TMPRSS2: variants seen among roughly 807,000 people sequenced by gnomAD.
The protein encoded by TMPRSS2 is transmembrane protease serine 2.
Under a neutral mutation model 67.4 loss-of-function variants are expected in TMPRSS2, and 59 were observed. That is an observed-to-expected ratio of 0.88 (90% confidence interval 0.71 to 1.09). The LOEUF is 1.09. Ranked by LOEUF, TMPRSS2 falls within the 50% of genes least tolerant of loss-of-function variation. The pLI is 0.00. For missense variants in TMPRSS2, 668 were observed against 642.7 expected (o/e 1.04, Z -0.43); for synonymous variants, 257 against 257.0 (o/e 1.00, Z 0.00).
intron 1 of TMPRSS2, among the ~76,000 whole-genome samples, chr21:41,501,950 A>G (rs796207687): frequency 8.5e-5 from 13 of 152,350 alleles, no homozygotes; most frequent in African/African-American, 3.1e-4. Flanking sequence ...GCACTTGGGG[A>G]AATTTTCCTT....
chr21:41,473,234 G>A (rs1417578497), intron 9 of TMPRSS2, 91 bp downstream of exon 9: 28 of 1,380,370 alleles, frequency 2.0e-5, no homozygotes, highest in South Asian at 9.9e-5. Context: ...CAAGGATGCC[G>A]GGGCTGCAAG....
intron 7 of TMPRSS2, among the ~76,000 whole-genome samples, chr21:41,477,039 A>G (rs1488886325): frequency 6.6e-6 from 1 of 152,210 alleles, no homozygotes; most frequent in Non-Finnish European, 1.5e-5. Context: ...AATATAACCA[A>G]TAGTTTCCCT....
In TMPRSS2 at chr21:41,480,468, A is replaced by G. The variant is rs370175310; in HGVS notation, c.572+8T>C. 6.6e-5 allele frequency: 107 copies of G among 1,613,044 alleles called. No individual in the cohort carries two copies. In the Middle Eastern group the frequency reaches 4.4e-3, roughly 67 times the overall value. On this transcript the variant is annotated splice_region_variant and intron_variant, in intron 6 of 13. Transcript: ENST00000332149. ...ACTGTCACTCGGCGGGTGCTGCCCCATACTCACTTATAGCCCATGTCCCTG... is the reference window on the plus strand; with the variant it reads ...ACTGTCACTCGGCGGGTGCTGCCCCGTACTCACTTATAGCCCATGTCCCTG...
In TMPRSS2 at chr21:41,465,788, C is replaced by T; in HGVS notation, c.*354G>A. On this transcript the variant is annotated 3_prime_UTR_variant, in exon 14 of 14. Coordinates refer to ENST00000332149, the MANE Select transcript of TMPRSS2 (RefSeq NM_005656.4). ...TCTCTCCTTTTTCATCTCAAGTCAT[C>T]CAGCAGCTGAGAGGTGACAGCTCCA... is the stretch of plus-strand genomic sequence containing the variant. 1 of 318,558 alleles carries T rather than the reference C, an allele frequency of 3.1e-6. No individual in the cohort carries two copies. The highest frequency in any genetic ancestry group is 5.7e-6 in the Non-Finnish European group (1 of 174,326). 19.7% of individuals were successfully genotyped at this position (318,558 alleles called of 1,614,324 possible).
chr21:41,469,927 C>T (rs2091116789), intron 11 of TMPRSS2, among the ~76,000 whole-genome samples: 1 of 152,176 alleles, frequency 6.6e-6, no homozygotes, highest in Non-Finnish European at 1.5e-5. Context: ...CAGCCTGTGG[C>T]TCTACTGTAG....
Position 41,470,739 on chromosome 21 carries a change from T to C in TMPRSS2, c.1080A>G (p.Leu360=). 1 of 1,613,056 alleles carries C rather than the reference T, an allele frequency of 6.2e-7. No homozygotes were observed. The highest frequency in any genetic ancestry group is 2.2e-5 in the East Asian group (1 of 44,882). The change falls in exon 11 of 14, where the codon CTA becomes CTG. Residue 360 remains leucine (L), a synonymous_variant. Coordinates refer to ENST00000332149, the MANE Select transcript of TMPRSS2 (RefSeq NM_005656.4). ...KLQKPLTFND[L]VKPVCLPNPG... The stretch of plus-strand genomic sequence containing the variant: ...GGTTGGGCAGACACACTGGTTTCAC[T>C]AGGTCTGTTTCAAGAAGAGAAAACA...
chr21:41,468,456 G>A lies in TMPRSS2; in HGVS notation c.1254C>T (p.Asn418=). The change falls in exon 12 of 14, where the codon AAC becomes AAT. Residue 418 remains asparagine (N), a synonymous_variant. Coordinates refer to ENST00000332149, the MANE Select transcript of TMPRSS2 (RefSeq NM_005656.4). ...QRCNSRYVYD[N]LITPAMICAG... ...CACAGATCATGGCTGGTGTGATCAG[G>A]TTGTCATAGACATATCTGCTGTTGC... The A allele has an allele frequency of 6.2e-7, 1 of 1,614,200 alleles. No homozygotes were observed. Among genetic ancestry groups the A allele is most frequent in the Non-Finnish European group, 8.5e-7 (1 of 1,180,038 alleles).
intron 5 of TMPRSS2, among the ~76,000 whole-genome samples, chr21:41,482,913 C>T (rs922470016): frequency 6.6e-6 from 1 of 152,140 alleles, no homozygotes; most frequent in African/African-American, 2.4e-5. Context: ...ACCAAAACTT[C>T]GGAGGCACTA....
chr21:41,470,520 G>A (rs2091123130), intron 11 of TMPRSS2, 128 bp downstream of exon 11: 1 of 809,292 alleles, frequency 1.2e-6, no homozygotes, highest in East Asian at 2.7e-5. Flanking sequence ...CACAAGGACT[G>A]GGGGAATCAA....
chr21:41,485,349 C>T (rs141324737), intron 5 of TMPRSS2, among the ~76,000 whole-genome samples: 12 of 152,104 alleles, frequency 7.9e-5, no homozygotes, highest in African/African-American at 2.9e-4. Context: ...CATAGGAGAA[C>T]ATCAAAAGCC....
Position 41,471,828 on chromosome 21 carries a change from C to T in TMPRSS2, c.1053G>A (p.Leu351=), listed in dbSNP as rs1366707526. Residue 351 remains leucine (L), a synonymous_variant, in exon 10 of 14, where the codon CTG becomes CTA. Coordinates refer to ENST00000332149, the MANE Select transcript of TMPRSS2 (RefSeq NM_005656.4). ...TKNNDIALMK[L]QKPLTFNDLV... is the part of the protein sequence containing the mutation. ...TACCGTTGAAAGTCAGAGGCTTCTGCAGCTTCATCAGCGCAATGTCATTGT... is the reference window on the plus strand; with the variant it reads ...TACCGTTGAAAGTCAGAGGCTTCTGTAGCTTCATCAGCGCAATGTCATTGT... The T allele has an allele frequency of 3.7e-6, 6 of 1,607,396 alleles. No individual in the cohort carries two copies. Among genetic ancestry groups the T allele is most frequent in the Middle Eastern group, 1.7e-4 (1 of 6,034 alleles).
At chr21:41,507,493 T>G (rs923679447) in intron 1 of TMPRSS2, among the ~76,000 whole-genome samples, 2 of 151,586 alleles carry the variant, frequency 1.3e-5, no homozygotes, top group African/African-American at 4.9e-5. Context: ...CCGGGGGCCC[T>G]CCAGCAGCCT....
chr21:41,464,321 G>T lies in TMPRSS2; in HGVS notation c.*1821C>A, dbSNP rs1168357356. On this transcript the variant is annotated 3_prime_UTR_variant, in exon 14 of 14. Coordinates refer to ENST00000332149, the MANE Select transcript of TMPRSS2 (RefSeq NM_005656.4). ...TTTCTTTTGTAAATTGCAGTCTTGG[G>T]TATGTCTTTATTAGGAGCATGGAAA... Among the ~76,000 whole-genome samples, 2 of 152,160 alleles carry T rather than the reference G, an allele frequency of 1.3e-5. No individual in the cohort carries two copies. Among genetic ancestry groups the T allele is most frequent in the Non-Finnish European group, 2.9e-5 (2 of 68,042 alleles).
chr21:41,492,731 C>CT (rs1212372574), intron 3 of TMPRSS2, among the ~76,000 whole-genome samples: 1 of 152,230 alleles, frequency 6.6e-6, no homozygotes, highest in Non-Finnish European at 1.5e-5. Context: ...CTGTCCAACT[C>CT]TGTCATCATC....
chr21:41,468,038 G>A (rs1230422797), intron 12 of TMPRSS2, 152 bp from the exon 13 acceptor site: 4 of 773,726 alleles, frequency 5.2e-6, no homozygotes, highest in African/African-American at 3.5e-5. Flanking sequence ...AAGGGGTGAT[G>A]GTAACAGAGA....
chr21:41,469,435 C>T (rs529047027), intron 11 of TMPRSS2, among the ~76,000 whole-genome samples: 7 of 152,122 alleles, frequency 4.6e-5, no homozygotes, highest in African/African-American at 1.7e-4. Flanking sequence ...CACTCCCCGG[C>T]TCACGATCTC....
intron 8 of TMPRSS2, 57 bp downstream of exon 8, chr21:41,476,520 A>C (rs1413269051): frequency 3.9e-6 from 6 of 1,556,878 alleles, no homozygotes; most frequent in Non-Finnish European, 5.3e-6. Flanking sequence ...ACTGTTCTGA[A>C]AGTAGAGAGC....
intron 1 of TMPRSS2, among the ~76,000 whole-genome samples, chr21:41,503,872 T>C (rs922019668): frequency 2.0e-5 from 3 of 152,184 alleles, no homozygotes; most frequent in African/African-American, 7.2e-5. Flanking sequence ...TTCTCTGTTA[T>C]CAGTATCTTG....
At chr21:41,480,092 C>G (rs2091244950) in intron 6 of TMPRSS2, among the ~76,000 whole-genome samples, 1 of 152,194 alleles carries the variant, frequency 6.6e-6, no homozygotes. Context: ...CCAGCCCAAC[C>G]CTCCTCGCCA....
Sources: gnomAD v4.1 joint callset for allele counts (sites outside exome capture counted in the v4.1 genomes callset) on GRCh38, gnomAD v4.1.1 for gene constraint, MANE v1.5 for transcripts, NCBI Gene and HGNC (gene_info 2026-07-23, HGNC 2026-07-21) for gene names.